Variants in ADCY2 observed in about 807,000 individuals in gnomAD.
ADCY2 encodes adenylate cyclase 2, also known as adenylate cyclase type 2.
Under a neutral mutation model 125.2 loss-of-function variants are expected in ADCY2, and 31 were observed. That is an observed-to-expected ratio of 0.25 (90% CI 0.19 to 0.33). The LOEUF (loss-of-function observed/expected upper bound fraction) is 0.33. Among genes scored for constraint, ADCY2 ranks in the 10% least tolerant of loss-of-function variants. The pLI, the probability that ADCY2 is intolerant of heterozygous loss-of-function variation, is 1.00. For missense variants in ADCY2, 904 were observed against 1,418.2 expected, an observed-to-expected ratio of 0.64 and a Z score of 5.82; for synonymous variants, 512 against 548.4, an observed-to-expected ratio of 0.93 and a Z score of 0.93.
chr5:7,760,220 G>C (rs1351708701), intron 16 of ADCY2, among the ~76,000 whole-genome samples: 3 of 152,196 alleles, frequency 2.0e-5, no homozygotes, highest in Non-Finnish European at 2.9e-5. Context: ...TGGGTTTTTC[G>C]GGCTCGACTT....
At chr5:7,535,729 A>T (rs1051028890) in intron 3 of ADCY2, among the ~76,000 whole-genome samples, 4 of 152,222 alleles carry the variant, frequency 2.6e-5, no homozygotes, top group Admixed American at 6.5e-5. Context: ...GGTGATTGAA[A>T]CAATAAGAAA....
At chr5:7,761,479 A>T (rs1247790994) in intron 16 of ADCY2, among the ~76,000 whole-genome samples, 7 of 152,200 alleles carry the variant, frequency 4.6e-5, no homozygotes, top group East Asian at 3.9e-4. Context: ...CCATCAATAG[A>T]TAGATTGTTT....
At chr5:7,486,832 A>G (rs1742951681) in intron 2 of ADCY2, among the ~76,000 whole-genome samples, 1 of 152,220 alleles carries the variant, frequency 6.6e-6, no homozygotes, top group Non-Finnish European at 1.5e-5. Flanking sequence ...ATTGAGACAC[A>G]GTGCCTGGCA....
At chr5:7,523,732 G>A (rs1247768793) in intron 3 of ADCY2, among the ~76,000 whole-genome samples, 1 of 152,152 alleles carries the variant, frequency 6.6e-6, no homozygotes, top group Non-Finnish European at 1.5e-5. Context: ...TTTATGCATG[G>A]TGTATATAAA....
chr5:7,537,874 A>G (rs1278075552), intron 3 of ADCY2, among the ~76,000 whole-genome samples: 2 of 152,094 alleles, frequency 1.3e-5, no homozygotes, highest in African/African-American at 4.8e-5. Context: ...GTGCTTGGCC[A>G]TTCCTCTCCT....
intron 3 of ADCY2, among the ~76,000 whole-genome samples, chr5:7,591,894 C>A (rs1319556208): frequency 6.6e-6 from 1 of 152,164 alleles, no homozygotes; most frequent in East Asian, 1.9e-4. Context: ...CATTTACTGG[C>A]CATTTGGATT....
At chr5:7,811,783 A>AT (rs1744951198) in intron 22 of ADCY2, among the ~76,000 whole-genome samples, 1 of 152,072 alleles carries the variant, frequency 6.6e-6, no homozygotes, top group African/African-American at 2.4e-5. Context: ...CACCTCTGAG[A>AT]TTCCTACCCT....
At chr5:7,726,305 T>G (rs750874246) in intron 13 of ADCY2, among the ~76,000 whole-genome samples, 4 of 152,194 alleles carry the variant, frequency 2.6e-5, no homozygotes, top group South Asian at 4.1e-4. Context: ...TGGTTTCCCA[T>G]GCACTGTATC....
intron 2 of ADCY2, among the ~76,000 whole-genome samples, chr5:7,418,696 C>T (rs1740062528): frequency 7.9e-6 from 1 of 127,078 alleles, no homozygotes; most frequent in Non-Finnish European, 1.6e-5. Flanking sequence ...CACTCTGTCA[C>T]CCAGGCTGGA....
At chr5:7,643,233 T>G (rs1209651375) in intron 4 of ADCY2, among the ~76,000 whole-genome samples, 1 of 152,052 alleles carries the variant, frequency 6.6e-6, no homozygotes, top group East Asian at 1.9e-4. Flanking sequence ...TTCTAAAAAT[T>G]TTATAGGTTA....
intron 7 of ADCY2, among the ~76,000 whole-genome samples, chr5:7,700,026 C>T (rs775517586): frequency 6.6e-6 from 1 of 152,094 alleles, no homozygotes; most frequent in African/African-American, 2.4e-5. Context: ...AAAGTGTGCA[C>T]GTTATCATCT....
chr5:7,787,698 A>G (rs2126502329), intron 19 of ADCY2, among the ~76,000 whole-genome samples: 1 of 152,298 alleles, frequency 6.6e-6, no homozygotes, highest in African/African-American at 2.4e-5. Flanking sequence ...AGATAGGTAG[A>G]TAGATAAATA....
intron 4 of ADCY2, among the ~76,000 whole-genome samples, chr5:7,635,756 C>T (rs1370716553): frequency 6.6e-6 from 1 of 152,154 alleles, no homozygotes; most frequent in Non-Finnish European, 1.5e-5. Context: ...AGCACACTAA[C>T]ATTTGAGCAG....
intron 4 of ADCY2, among the ~76,000 whole-genome samples, chr5:7,659,020 C>G (rs978562793): frequency 5.9e-5 from 9 of 152,180 alleles, no homozygotes; most frequent in African/African-American, 1.9e-4. Context: ...GCCCAGTCAA[C>G]TTAACACGTA....
At chr5:7,485,507 G>A (rs987709607) in intron 2 of ADCY2, among the ~76,000 whole-genome samples, 1 of 152,142 alleles carries the variant, frequency 6.6e-6, no homozygotes, top group Non-Finnish European at 1.5e-5. Context: ...ATAATGCAAA[G>A]CAGAAGAGAT....
chr5:7,655,773 T>C (rs1406381503), intron 4 of ADCY2, among the ~76,000 whole-genome samples: 1 of 152,200 alleles, frequency 6.6e-6, no homozygotes, highest in Non-Finnish European at 1.5e-5. Context: ...AGTACATGTT[T>C]TATTTGTCAG....
In ADCY2 at chr5:7,788,351, T is replaced by C. The variant is rs1374647534; in HGVS notation, c.2470-1291T>C. Among the ~76,000 whole-genome samples, 33 of 152,146 alleles carry C rather than the reference T, an allele frequency of 2.2e-4. 1 individual carries two copies. The highest frequency in any genetic ancestry group is 1.2e-4 in the Non-Finnish European group (8 of 68,038). On this transcript the variant is annotated intron_variant, in intron 19 of 24. Coordinates refer to ENST00000338316, the MANE Select transcript of ADCY2 (RefSeq NM_020546.3). ...CGCACAACCAGGCCCGGCTAATTTT[T>C]GTATTTTTAGTAGAGACGGGATTTT...
At chr5:7,516,767 T>C (rs1744267274) in intron 2 of ADCY2, among the ~76,000 whole-genome samples, 1 of 152,132 alleles carries the variant, frequency 6.6e-6, no homozygotes, top group Non-Finnish European at 1.5e-5. Context: ...ACACACTCTG[T>C]TTCCCTTGTT....
intron 1 of ADCY2, among the ~76,000 whole-genome samples, chr5:7,404,262 G>C (rs189311080): frequency 2.3e-4 from 35 of 151,970 alleles, no homozygotes; most frequent in Non-Finnish European, 4.1e-4. Flanking sequence ...AATCTCACCA[G>C]ATGTCTTTTT....
Sources: allele counts gnomAD v4.1 joint callset (sites outside exome capture counted in the v4.1 genomes callset), GRCh38; gene constraint gnomAD v4.1.1; transcripts MANE v1.5; gene names NCBI Gene and HGNC (gene_info 2026-07-23, HGNC 2026-07-21).